SDCCAG8: variants seen among roughly 807,000 people sequenced by gnomAD.
SDCCAG8 encodes the protein serologically defined colon cancer antigen 8.
In SDCCAG8, 74 loss-of-function variants were observed where a neutral mutation model predicts 101.8. The observed-to-expected ratio is 0.73, with a 90% CI of 0.60 to 0.88. SDCCAG8 has a LOEUF of 0.88. SDCCAG8 is among the 40% of genes least tolerant of loss of function. SDCCAG8 has a pLI of 0.00. For synonymous variants in SDCCAG8, 281 were observed against 292.9 expected, an observed-to-expected ratio of 0.96 and a Z score of 0.41; for missense variants, 787 against 822.6, an observed-to-expected ratio of 0.96 and a Z score of 0.53.
chr1:243,290,170 C>T (rs2070085941), intron 5 of SDCCAG8, among the ~76,000 whole-genome samples: 3 of 151,666 alleles, frequency 2.0e-5, no homozygotes, highest in South Asian at 4.2e-4. Context: ...ATATTTTTCA[C>T]GTTTGTTTTC....
chr1:243,371,217 G>A (rs2077270513), intron 12 of SDCCAG8, among the ~76,000 whole-genome samples: 1 of 152,038 alleles, frequency 6.6e-6, no homozygotes, highest in South Asian at 2.1e-4. Flanking sequence ...TAGGCCAAGA[G>A]GTTTTAGAAG....
chr1:243,362,176 G>A (rs2076757588), intron 12 of SDCCAG8, among the ~76,000 whole-genome samples: 1 of 152,084 alleles, frequency 6.6e-6, no homozygotes, highest in African/African-American at 2.4e-5. Flanking sequence ...TGGGTCAAGA[G>A]ATGGCCAAGT....
At position 243,274,595 on chromosome 1, in the gene SDCCAG8, A is replaced by G. The variant is rs778785206; in HGVS notation, c.359A>G (p.His120Arg). 8 of 1,611,886 alleles carry G rather than the reference A, an allele frequency of 5.0e-6. No individual in the cohort carries two copies. The highest frequency in any genetic ancestry group is 3.4e-4 in the Middle Eastern group (2 of 5,948). The change falls in exon 4 of 18, where the codon CAT (histidine) becomes CGT (arginine). Residue 120 changes from histidine (H) to arginine (R), a missense_variant. Physicochemically the swap from His to Arg is conservative, Grantham distance 29. Transcript: ENST00000366541. ...ATGCCTACTATGCACGACCTTGTTCATACTATTAATGACCAGTCTCAATAT... is the reference window on the plus strand; with the variant it reads ...ATGCCTACTATGCACGACCTTGTTCGTACTATTAATGACCAGTCTCAATAT... Reference protein sequence around the residue: ...TNMPTMHDLVHTINDQSQYIH... With the variant: ...TNMPTMHDLVRTINDQSQYIH...
At chr1:243,281,989 T>C (rs1287488881) in intron 4 of SDCCAG8, among the ~76,000 whole-genome samples, 1 of 152,104 alleles carries the variant, frequency 6.6e-6, no homozygotes, top group African/African-American at 2.4e-5. Flanking sequence ...TTGCATTTTA[T>C]TTTTTATTTT....
intron 10 of SDCCAG8, among the ~76,000 whole-genome samples, chr1:243,332,211 T>A (rs1298602706): frequency 1.3e-5 from 2 of 151,812 alleles, no homozygotes; most frequent in Non-Finnish European, 2.9e-5. Flanking sequence ...TGGGAATGAG[T>A]TTGGAGAATT....
chr1:243,293,930 A>G (rs1166933091), intron 6 of SDCCAG8, among the ~76,000 whole-genome samples: 1 of 152,150 alleles, frequency 6.6e-6, no homozygotes, highest in Non-Finnish European at 1.5e-5. Flanking sequence ...TCTGCTCTTG[A>G]ATACCTTTAA....
intron 17 of SDCCAG8, among the ~76,000 whole-genome samples, chr1:243,496,430 G>T (rs1353145380): frequency 1.3e-5 from 2 of 152,256 alleles, no homozygotes; most frequent in Non-Finnish European, 2.9e-5. Context: ...GAGGTAGGGG[G>T]AGGGGCCTGC....
intron 12 of SDCCAG8, among the ~76,000 whole-genome samples, chr1:243,368,680 A>G (rs1240485868): frequency 6.6e-6 from 1 of 152,164 alleles, no homozygotes; most frequent in African/African-American, 2.4e-5. Context: ...GTAGTCCTCC[A>G]GTAGTCAGAT....
intron 3 of SDCCAG8, among the ~76,000 whole-genome samples, chr1:243,271,996 T>C (rs2068129605): frequency 6.6e-6 from 1 of 152,240 alleles, no homozygotes; most frequent in Admixed American, 6.5e-5. Context: ...GCATTTTATA[T>C]GCTAAAGGCT....
chr1:243,278,397 T>G (rs888646246), intron 4 of SDCCAG8, among the ~76,000 whole-genome samples: 2 of 152,096 alleles, frequency 1.3e-5, no homozygotes, highest in Non-Finnish European at 2.9e-5. Context: ...ATTTTTGTAT[T>G]TTTAATAGAG....
chr1:243,259,024 A>G lies in SDCCAG8; in HGVS notation c.67+2784A>G, dbSNP rs1250712666. Among the ~76,000 whole-genome samples, 3 of 152,290 alleles carry G rather than the reference A, an allele frequency of 2.0e-5. No homozygotes were observed. In the East Asian group the frequency reaches 5.8e-4, roughly 29 times the overall value. ...ATGTAGTCACTACTAATATCCCTTC[A>G]TTGATATTCAGCCAGGAAGTGGCCG... On this transcript the variant is annotated intron_variant, in intron 1 of 17. Coordinates refer to ENST00000366541, the MANE Select transcript of SDCCAG8 (RefSeq NM_006642.5).
chr1:243,313,525 C>A (rs1433694887), intron 8 of SDCCAG8, among the ~76,000 whole-genome samples: 3 of 152,220 alleles, frequency 2.0e-5, no homozygotes, highest in Non-Finnish European at 2.9e-5. Flanking sequence ...ATCTTTACGT[C>A]ATCTTTCTGC....
chr1:243,411,777 C>T (rs2080198684), intron 13 of SDCCAG8, among the ~76,000 whole-genome samples: 1 of 152,152 alleles, frequency 6.6e-6, no homozygotes, highest in Admixed American at 6.5e-5. Context: ...CTTGTTATTT[C>T]TACCCTTCCT....
chr1:243,421,247 A>G (rs1185036622), intron 15 of SDCCAG8, among the ~76,000 whole-genome samples: 1 of 152,226 alleles, frequency 6.6e-6, no homozygotes, highest in Non-Finnish European at 1.5e-5. Context: ...TTTTCAAAAT[A>G]CCAACTAAAC....
rs557008938 is a variant in SDCCAG8 at position 243,290,352 on chromosome 1, G to A, written c.547-2739G>A. Among the ~76,000 whole-genome samples, 4 of 152,234 alleles carry A rather than the reference G, an allele frequency of 2.6e-5. No individual in the cohort carries two copies. In the South Asian group the frequency reaches 6.2e-4, roughly 24 times the overall value. ...CTGTGAAAGAACAAAATGTCCGTTA[G>A]ACTAGCAATTCTTTCCAAAGAATGA... On this transcript the variant is annotated intron_variant, in intron 5 of 17. Coordinates refer to ENST00000366541, the MANE Select transcript of SDCCAG8 (RefSeq NM_006642.5).
chr1:243,256,348 A>G, intron 1 of SDCCAG8, 108 bp downstream of exon 1: 1 of 844,522 alleles, frequency 1.2e-6, no homozygotes, highest in Non-Finnish European at 2.0e-6. Context: ...CGTCCACGCT[A>G]CAGAGGAGCA....
At chr1:243,464,757 G>C (rs972361293) in intron 16 of SDCCAG8, among the ~76,000 whole-genome samples, 1 of 152,212 alleles carries the variant, frequency 6.6e-6, no homozygotes, top group Non-Finnish European at 1.5e-5. Flanking sequence ...AAGGCAGGCA[G>C]GCAGGCAAGC....
intron 13 of SDCCAG8, among the ~76,000 whole-genome samples, chr1:243,397,962 G>A (rs1373815184): frequency 6.6e-6 from 1 of 152,184 alleles, no homozygotes; most frequent in Non-Finnish European, 1.5e-5. Context: ...GTGGGCCCTT[G>A]TCTACCACAG....
intron 1 of SDCCAG8, among the ~76,000 whole-genome samples, chr1:243,259,621 A>G (rs2067042640): frequency 6.6e-6 from 1 of 151,868 alleles, no homozygotes; most frequent in South Asian, 2.1e-4. Context: ...GGAGTTCGAG[A>G]ACAGCCTGAG....
Sources: gnomAD v4.1 joint callset for allele counts (sites outside exome capture counted in the v4.1 genomes callset) on GRCh38, gnomAD v4.1.1 for gene constraint, MANE v1.5 for transcripts, NCBI Gene and HGNC (gene_info 2026-07-23, HGNC 2026-07-21) for gene names.